The following CSGALNACT1 variants were observed in gnomAD, a reference collection of about 807,000 sequenced individuals.
CSGALNACT1 encodes the protein chondroitin sulfate N-acetylgalactosaminyltransferase 1.
A neutral mutation model predicts 51.0 loss-of-function variants in CSGALNACT1; 52 were observed. The ratio of observed to expected loss-of-function variants is 1.02; its 90% CI spans 0.82 to 1.29. CSGALNACT1 has a LOEUF of 1.29. CSGALNACT1 is among the 50% of genes most tolerant of loss of function. The pLI is 0.00. For synonymous variants in CSGALNACT1, 341 were observed against 254.4 expected (o/e 1.34, Z -3.24); for missense variants, 935 against 679.2 (o/e 1.38, Z -4.19).
intron 1 of CSGALNACT1, among the ~76,000 whole-genome samples, chr8:19,659,702 A>T (rs2058600510): frequency 6.6e-6 from 1 of 152,196 alleles, no homozygotes; most frequent in Non-Finnish European, 1.5e-5. Flanking sequence ...CTCTGCCTAC[A>T]TTATTGGCTA....
upstream of CSGALNACT1, among the ~76,000 whole-genome samples, chr8:19,607,097 G>A (rs563620282): frequency 1.3e-5 from 2 of 151,936 alleles, no homozygotes; most frequent in African/African-American, 4.8e-5. Flanking sequence ...AGAGTGTGCA[G>A]CGAGCTGAGA....
intron 3 of CSGALNACT1, among the ~76,000 whole-genome samples, chr8:19,590,150 C>G (rs758710100): frequency 1.3e-5 from 2 of 152,212 alleles, no homozygotes; most frequent in Non-Finnish European, 2.9e-5. Context: ...TAACCCCTAA[C>G]CTGCCATTAA....
intron 1 of CSGALNACT1, among the ~76,000 whole-genome samples, chr8:19,674,637 G>T (rs1467192261): frequency 6.6e-6 from 1 of 152,176 alleles, no homozygotes; most frequent in African/African-American, 2.4e-5. Flanking sequence ...GGTAAGCAGT[G>T]ATTGGTGGAG....
chr8:19,545,110 C>G (rs915963955), intron 3 of CSGALNACT1, among the ~76,000 whole-genome samples: 3 of 152,054 alleles, frequency 2.0e-5, no homozygotes, highest in African/African-American at 7.3e-5. Context: ...CCATGTCACC[C>G]TGGAAGCTAG....
chr8:19,426,034 C>A (rs988737733), intron 6 of CSGALNACT1, among the ~76,000 whole-genome samples: 3 of 152,180 alleles, frequency 2.0e-5, no homozygotes, highest in African/African-American at 7.2e-5. Context: ...ATGAGGGGCT[C>A]TAGCAGACTC....
At chr8:19,465,851 A>C (rs1586634959) in intron 4 of CSGALNACT1, among the ~76,000 whole-genome samples, 1 of 151,634 alleles carries the variant, frequency 6.6e-6, no homozygotes, top group Non-Finnish European at 1.5e-5. Context: ...CCTGGGATAA[A>C]CCCCCACTGA....
At chr8:19,731,076 A>G (rs190923481) in intron 1 of CSGALNACT1, among the ~76,000 whole-genome samples, 1 of 152,188 alleles carries the variant, frequency 6.6e-6, no homozygotes, top group African/African-American at 2.4e-5. Context: ...TCATGAGCCT[A>G]AACAGCTGCT....
chr8:19,548,778 T>A (rs2087137519), intron 3 of CSGALNACT1, among the ~76,000 whole-genome samples: 2 of 152,172 alleles, frequency 1.3e-5, no homozygotes, highest in African/African-American at 4.8e-5. Flanking sequence ...CTGTTTTCTT[T>A]AGTATTTATC....
At position 19,656,172 on chromosome 8, in the gene CSGALNACT1, T is replaced by C. The variant is rs548688557; in HGVS notation, c.-544+26301A>G. Reference sequence around the variant, plus strand: ...CCAATAGCAACAAAGTGTCTGAAGATAGGATTGCCTTTTGCTAATCTGCAC... The same window carrying C: ...CCAATAGCAACAAAGTGTCTGAAGACAGGATTGCCTTTTGCTAATCTGCAC... On this transcript the variant is annotated intron_variant, in intron 1 of 9. Coordinates refer to the CSGALNACT1 transcript ENST00000332246. Among the ~76,000 whole-genome samples the C allele has an allele frequency of 3.9e-5, 6 of 152,326 alleles. No individual in the cohort carries two copies. In the South Asian group the frequency reaches 8.3e-4, roughly 21 times the overall value.
chr8:19,553,970 T>A (rs2154085993), intron 3 of CSGALNACT1, among the ~76,000 whole-genome samples: 2 of 151,512 alleles, frequency 1.3e-5, no homozygotes, highest in South Asian at 4.2e-4. Flanking sequence ...AAGATATCTT[T>A]CAGAATAGAG....
chr8:19,531,398 AG>A (rs571393699), intron 3 of CSGALNACT1, among the ~76,000 whole-genome samples: 86 of 152,358 alleles, frequency 5.6e-4, no homozygotes, highest in African/African-American at 1.9e-3. Context: ...AAGAAATTGC[AG>A]GGCAGGAGGC....
chr8:19,567,035 G>T (rs2042038282), intron 3 of CSGALNACT1, among the ~76,000 whole-genome samples: 2 of 152,156 alleles, frequency 1.3e-5, no homozygotes, highest in South Asian at 4.1e-4. Context: ...TCATACTCGG[G>T]TTTCCTCCCC....
At chr8:19,664,083 A>G (rs969124302) in intron 1 of CSGALNACT1, among the ~76,000 whole-genome samples, 2 of 152,196 alleles carry the variant, frequency 1.3e-5, no homozygotes, top group African/African-American at 2.4e-5. Context: ...TGCCCACACA[A>G]TGGCTCGGCC....
At chr8:19,467,059 A>C (rs1025010334) in intron 4 of CSGALNACT1, among the ~76,000 whole-genome samples, 1 of 150,858 alleles carries the variant, frequency 6.6e-6, no homozygotes, top group African/African-American at 2.4e-5. Flanking sequence ...AGAAATGTCT[A>C]AGAACTCACT....
rs377470705 is a variant in CSGALNACT1 at position 19,551,900 on chromosome 8, G to A, written c.-297+39260C>T. Among the ~76,000 whole-genome samples, 17 of 152,174 alleles carry A rather than the reference G, an allele frequency of 1.1e-4. No individual in the cohort carries two copies. The East Asian group carries it at 2.1e-3, about 19-fold the overall frequency. ...TGTGTTCCAATTGTCCTATATAACC[G>A]TAAGTTCAAAAATCTTTCCATCATG... On this transcript the variant is annotated intron_variant, in intron 3 of 9. Transcript: ENST00000454498.
At chr8:19,628,178 T>C (rs953813092) in intron 1 of CSGALNACT1, among the ~76,000 whole-genome samples, 5 of 152,190 alleles carry the variant, frequency 3.3e-5, no homozygotes, top group African/African-American at 1.2e-4. Flanking sequence ...GCTATAAAGA[T>C]ACTACCCAAG....
chr8:19,736,577 A>G (rs1318769633), intron 1 of CSGALNACT1, among the ~76,000 whole-genome samples: 1 of 152,148 alleles, frequency 6.6e-6, no homozygotes, highest in Non-Finnish European at 1.5e-5. Flanking sequence ...TCAAAAAGCC[A>G]TTAACTGAAC....
intron 3 of CSGALNACT1, among the ~76,000 whole-genome samples, chr8:19,544,904 C>T (rs954091703): frequency 1.3e-5 from 2 of 152,140 alleles, no homozygotes; most frequent in South Asian, 4.1e-4. Context: ...CTATCGTTTA[C>T]ACACAGGACA....
At chr8:19,434,082 C>A (rs184547939) in intron 6 of CSGALNACT1, among the ~76,000 whole-genome samples, 1 of 152,162 alleles carries the variant, frequency 6.6e-6, no homozygotes, top group Non-Finnish European at 1.5e-5. Flanking sequence ...TGGATAAATG[C>A]TCTCCAGATT....
Sources: gnomAD v4.1 joint callset for allele counts (sites outside exome capture counted in the v4.1 genomes callset) on GRCh38, gnomAD v4.1.1 for gene constraint, MANE v1.5 for transcripts, NCBI Gene and HGNC (gene_info 2026-07-23, HGNC 2026-07-21) for gene names.